PIP4P1: variants seen among roughly 807,000 people sequenced by gnomAD.
PIP4P1 encodes the protein type 1 phosphatidylinositol 4,5-bisphosphate 4-phosphatase.
A neutral mutation model predicts 32.3 loss-of-function variants in PIP4P1; 14 were observed. The ratio of observed to expected loss-of-function variants is 0.43; its 90% CI spans 0.29 to 0.68. The LOEUF is 0.68. Among genes scored for constraint, PIP4P1 ranks in the 30% least tolerant of loss-of-function variants. The pLI, the probability that PIP4P1 is intolerant of heterozygous loss-of-function variation, is 0.15. For missense variants in PIP4P1, 289 were observed against 364.5 expected, an observed-to-expected ratio of 0.79 and a Z score of 1.69; for synonymous variants, 132 against 137.9, an observed-to-expected ratio of 0.96 and a Z score of 0.30.
At chr14:20,460,569 A>G in intron 2 of PIP4P1, 86 bp downstream of exon 2, 5 of 1,440,504 alleles carry the variant, frequency 3.5e-6, no homozygotes, top group Non-Finnish European at 2.8e-6. Context: ...CACTTGGCTA[A>G]TAGCCGGAAG....
At chr14:20,459,938 C>T (rs1468643958) in intron 3 of PIP4P1, 3 of 615,532 alleles carry the variant, frequency 4.9e-6, no homozygotes, top group Non-Finnish European at 8.6e-6. Flanking sequence ...CTTCAGGTCC[C>T]CAATTCCCCT....
chr14:20,460,605 G>C (rs755874427), intron 2 of PIP4P1, 50 bp downstream of exon 2: 1 of 1,590,350 alleles, frequency 6.3e-7, no homozygotes, highest in Admixed American at 1.7e-5. Context: ...CAAGACATCA[G>C]AAAGAGGATC....
At chr14:20,460,522 G>C in intron 2 of PIP4P1, 133 bp downstream of exon 2, 1 of 953,134 alleles carries the variant, frequency 1.0e-6, no homozygotes, top group Non-Finnish European at 1.5e-6. Context: ...ATGGCTGTGT[G>C]AGACACCTGG....
chr14:20,460,151 C>T (rs1271982250), intron 3 of PIP4P1, 41 bp downstream of exon 3: 1 of 1,476,012 alleles, frequency 6.8e-7, no homozygotes, highest in South Asian at 1.1e-5. Flanking sequence ...TTTGACTTTC[C>T]AGTTCCCCAC....
intron 4 of PIP4P1, 29 bp downstream of exon 4, chr14:20,459,599 C>G (rs1413760354): frequency 8.8e-6 from 14 of 1,597,074 alleles, no homozygotes; most frequent in South Asian, 7.7e-5. Flanking sequence ...GTCTCCTTTC[C>G]CCTCCCCTTC....
rs1479824836 is a variant in PIP4P1 at position 20,459,636 on chromosome 14, T to A, written c.538A>T (p.Thr180Ser). ...CAATACCCCTTCCTCACCAGAAAAG[T>A]ATTCTTGCAATGTCCACAGATAACC... Reference protein sequence around the residue: ...VRVICGHCKNTFLWTEFTDRT... With the variant: ...VRVICGHCKNSFLWTEFTDRT... Residue 180 changes from threonine (T) to serine (S), a missense_variant, in exon 4 of 7, where the codon ACT becomes TCT. Physicochemically the swap from Thr to Ser is moderately conservative, Grantham distance 58. Around this residue, in one of 2 missense-constraint regions of PIP4P1, gnomAD observed 181 missense variants for 263.3 expected, o/e 0.69. Coordinates refer to ENST00000250489, the MANE Select transcript of PIP4P1 (RefSeq NM_144568.4). 1.2e-6 allele frequency: 2 copies of A among 1,613,952 alleles called. No individual in the cohort carries two copies. The highest frequency in any genetic ancestry group is 2.2e-5 in the East Asian group (1 of 44,882).
chr14:20,458,421 A>G lies in PIP4P1; in HGVS notation c.*138T>C. 3 of 1,263,312 alleles carry G rather than the reference A, an allele frequency of 2.4e-6. No homozygotes were observed. Among genetic ancestry groups the G allele is most frequent in the Non-Finnish European group, 2.2e-6 (2 of 893,294 alleles). 78.3% of individuals were successfully genotyped at this position (1,263,312 alleles called of 1,614,324 possible). A position where few individuals can be genotyped will look rare whatever the true frequency, so the allele number is the denominator to read the frequency against. ...CTAAGTGAGGGCCTGGTTCCTTCCT[A>G]CCTCTCCCCAGGGAAAAGGAAGGCA... On this transcript the variant is annotated 3_prime_UTR_variant, in exon 7 of 7. Coordinates refer to ENST00000250489, the MANE Select transcript of PIP4P1 (RefSeq NM_144568.4).
Position 20,458,713 on chromosome 14 carries a change from TAAGG to T in PIP4P1, c.691-15_691-12del, listed in dbSNP as rs753803357. The T allele has an allele frequency of 6.2e-7, 1 of 1,607,560 alleles. No individual in the cohort carries two copies. The highest frequency in any genetic ancestry group is 1.3e-5 in the African/African-American group (1 of 74,562). Reference sequence around the variant, plus strand: ...CTTCCATGTGCCAAACTGATGAAGATAAGGAGGGAGAAGAAAAGAAAGATGGGGT... The same window carrying T: ...CTTCCATGTGCCAAACTGATGAAGATAGGGAGAAGAAAAGAAAGATGGGGT... On this transcript the variant is annotated splice_polypyrimidine_tract_variant and intron_variant, in intron 6 of 6. Transcript: ENST00000250489.
Position 20,458,433 on chromosome 14 carries a change from G to A in PIP4P1, c.*126C>T, listed in dbSNP as rs1323770603. The A allele has an allele frequency of 7.1e-7, 1 of 1,407,568 alleles. No individual in the cohort carries two copies. Among genetic ancestry groups the A allele is most frequent in the Non-Finnish European group, 9.8e-7 (1 of 1,020,600 alleles). The allele number at this position is 1,407,568 out of a possible 1,614,324, so 87.2% of individuals were successfully genotyped here. ...CTGGTTCCTTCCTACCTCTCCCCAG[G>A]GAAAAGGAAGGCAGCTGCTTGGCTT... is the stretch of plus-strand genomic sequence containing the variant. On this transcript the variant is annotated 3_prime_UTR_variant, in exon 7 of 7. Coordinates refer to ENST00000250489, the MANE Select transcript of PIP4P1 (RefSeq NM_144568.4).
rs941356251 is a variant in PIP4P1 at position 20,458,135 on chromosome 14, A to G, written c.*424T>C. 8.1e-6 allele frequency: 3 copies of G among 370,554 alleles called. No individual in the cohort carries two copies. The highest frequency in any genetic ancestry group is 6.4e-5 in the African/African-American group (3 of 47,210). 23.0% of individuals were successfully genotyped at this position (370,554 alleles called of 1,614,324 possible). On this transcript the variant is annotated 3_prime_UTR_variant, in exon 7 of 7. Coordinates refer to ENST00000250489, the MANE Select transcript of PIP4P1 (RefSeq NM_144568.4). ...ACTGAGGGTACTGAGGCCAGAGCCA[A>G]CCTCTGGTGAAGTGCAATAGCAGCA...
Position 20,458,440 on chromosome 14 carries a change from G to A in PIP4P1, c.*119C>T. On this transcript the variant is annotated 3_prime_UTR_variant, in exon 7 of 7. Coordinates refer to ENST00000250489, the MANE Select transcript of PIP4P1 (RefSeq NM_144568.4). Reference sequence around the variant, plus strand: ...CTTCCTACCTCTCCCCAGGGAAAAGGAAGGCAGCTGCTTGGCTTCCTTCTA... The same window carrying A: ...CTTCCTACCTCTCCCCAGGGAAAAGAAAGGCAGCTGCTTGGCTTCCTTCTA... The A allele has an allele frequency of 6.9e-7, 1 of 1,456,130 alleles. No homozygotes were observed. The highest frequency in any genetic ancestry group is 1.2e-5 in the South Asian group (1 of 83,692). 90.2% of individuals were successfully genotyped at this position (1,456,130 alleles called of 1,614,324 possible).
Position 20,458,374 on chromosome 14 carries a change from G to T in PIP4P1, c.*185C>A. On this transcript the variant is annotated 3_prime_UTR_variant, in exon 7 of 7. Coordinates refer to ENST00000250489, the MANE Select transcript of PIP4P1 (RefSeq NM_144568.4). ...TGGAGGAAAGCAGATGGTCAGCAGT[G>T]CTCTTATCTGCCCCTCCAAACCTAA... 1.2e-6 allele frequency: 1 copy of T among 818,052 alleles called. No homozygotes were observed. The highest frequency in any genetic ancestry group is 2.0e-6 in the Non-Finnish European group (1 of 491,786). The allele number at this position is 818,052 out of a possible 1,614,324, so 50.7% of individuals were successfully genotyped here.
chr14:20,461,044 C>T (rs1594420419), intron 1 of PIP4P1, 140 bp downstream of exon 1: 1 of 1,282,718 alleles, frequency 7.8e-7, no homozygotes, highest in East Asian at 3.1e-5. Context: ...GAAGCCTCGC[C>T]CAGTCACAGG....
Position 20,459,275 on chromosome 14 carries a change from G to A in PIP4P1, c.621C>T (p.Tyr207=), listed in dbSNP as rs1372638819. 21 of 1,614,222 alleles carry A rather than the reference G, an allele frequency of 1.3e-5. No homozygotes were observed. The highest frequency in any genetic ancestry group is 1.8e-5 in the Non-Finnish European group (21 of 1,180,038). The change falls in exon 6 of 7, where the codon TAC becomes TAT. Residue 207 remains tyrosine, a synonymous_variant. Coordinates refer to ENST00000250489, the MANE Select transcript of PIP4P1 (RefSeq NM_144568.4). ...CRKVSSIGRR[Y]PRKRCICCFL... is the part of the protein sequence containing the mutation. ...AGCAGCAGATACATCTCTTACGTGG[G>A]TATCTGCGCCCAATAGATGACCTGT... is the stretch of plus-strand genomic sequence containing the variant.
Position 20,460,471 on chromosome 14 carries a change from G to C in PIP4P1, c.334-173C>G, listed in dbSNP as rs189629144. 1,153 of 763,490 alleles carry C rather than the reference G, an allele frequency of 1.5e-3. 3 individuals are homozygous for C. The highest frequency in any genetic ancestry group is 2.0e-3 in the Non-Finnish European group (947 of 478,450). 47.3% of individuals were successfully genotyped at this position (763,490 alleles called of 1,614,324 possible). A position where few individuals can be genotyped will look rare whatever the true frequency, so the allele number is the denominator to read the frequency against. ...GGAACTAGGCTAGGTGTAAAAGTGA[G>C]AGAAAGTGAACATTAGCTTTGGTGA... On this transcript the variant is annotated intron_variant, in intron 2 of 6. Coordinates refer to ENST00000250489, the MANE Select transcript of PIP4P1 (RefSeq NM_144568.4).
chr14:20,460,844 T>A lies in PIP4P1; in HGVS notation c.144A>T (p.Ala48=), dbSNP rs748236860. 23 of 1,547,448 alleles carry A rather than the reference T, an allele frequency of 1.5e-5. No individual in the cohort carries two copies. Among genetic ancestry groups the A allele is most frequent in the Non-Finnish European group, 1.9e-5 (22 of 1,150,660 alleles). ...LTPSAPPYGA[A]FPPFPEGHPA... is the part of the protein sequence containing the mutation. Reference sequence around the variant, plus strand: ...GATGCCCCTCGGGAAACGGGGGAAATGCTGGAGAGGAAGCAAATAGAAGGG... The same window carrying A: ...GATGCCCCTCGGGAAACGGGGGAAAAGCTGGAGAGGAAGCAAATAGAAGGG... Residue 48 remains alanine, a splice_region_variant and synonymous_variant, in exon 2 of 7, where the codon GCA becomes GCT. Coordinates refer to ENST00000250489, the MANE Select transcript of PIP4P1 (RefSeq NM_144568.4).
At chr14:20,460,512 ATGGC>A (rs1181377151) in intron 2 of PIP4P1, 139 bp downstream of exon 2, 1 of 884,446 alleles carries the variant, frequency 1.1e-6, no homozygotes, top group Non-Finnish European at 1.7e-6. Context: ...TTCTGGGGAA[ATGGC>A]TGTGTGAGAC....
At position 20,459,939 on chromosome 14, in the gene PIP4P1, C is replaced by T. The variant is rs187178829; in HGVS notation, c.441-206G>A. 5.6e-4 allele frequency: 343 copies of T among 615,208 alleles called. No homozygotes were observed. In the East Asian group the frequency reaches 6.6e-3, roughly 12 times the overall value. 38.1% of individuals were successfully genotyped at this position (615,208 alleles called of 1,614,324 possible). A position where few individuals can be genotyped will look rare whatever the true frequency, so the allele number is the denominator to read the frequency against. On this transcript the variant is annotated intron_variant, in intron 3 of 6. Transcript: ENST00000250489. ...GAGCACTGTTTAAACTTCAGGTCCC[C>T]AATTCCCCTCCGACCTCAGGATAAC...
chr14:20,460,539 A>G (rs762934580), intron 2 of PIP4P1, 116 bp downstream of exon 2: 101 of 1,121,460 alleles, frequency 9.0e-5, no homozygotes, highest in Non-Finnish European at 1.2e-4. Context: ...CTGGAACTGA[A>G]ACCTGGGTAT....
Sources: gnomAD v4.1 joint callset for allele counts on GRCh38, gnomAD v4.1.1 for gene constraint, gnomAD v4.1.1 regional missense constraint, MANE v1.5 for transcripts, NCBI Gene and HGNC (gene_info 2026-07-23, HGNC 2026-07-21) for gene names.